NXPE2: variants seen among roughly 807,000 people sequenced by gnomAD.
The protein encoded by NXPE2 is neurexophilin and PC-esterase domain family member 2.
In NXPE2, 34 loss-of-function variants were observed where a neutral mutation model predicts 34.4. The ratio of observed to expected loss-of-function variants is 0.99; its 90% CI spans 0.75 to 1.31. NXPE2 has a LOEUF of 1.31. Among genes scored for constraint, NXPE2 ranks in the 40% most tolerant of loss-of-function variants. The pLI, the probability that NXPE2 is intolerant of heterozygous loss-of-function variation, is 0.00. For missense variants in NXPE2, 649 were observed against 672.5 expected (o/e 0.97, Z 0.39); for synonymous variants, 235 against 231.3 (o/e 1.02, Z -0.15).
chr11:114,493,695 T>G, the NXPE2 span, among the ~76,000 whole-genome samples: 50 of 152,270 alleles, frequency 3.3e-4, 1 homozygote, highest in South Asian at 0.01. Context: ...TAGTTATTAT[T>G]TTTTATTTGT....
At chr11:114,577,315 C>T in the NXPE2 span, among the ~76,000 whole-genome samples, 1 of 151,556 alleles carries the variant, frequency 6.6e-6, no homozygotes, top group Non-Finnish European at 1.5e-5. Context: ...AACCAAGCAT[C>T]GTATGTTCTC....
downstream of NXPE2, among the ~76,000 whole-genome samples, chr11:114,709,343 CA>C (rs919544962): frequency 6.6e-6 from 1 of 151,636 alleles, no homozygotes; most frequent in Non-Finnish European, 1.5e-5. Flanking sequence ...GAGTAAAAAA[CA>C]AAAAAAATCA....
chr11:114,541,668 G>C, the NXPE2 span, among the ~76,000 whole-genome samples: 1 of 152,046 alleles, frequency 6.6e-6, no homozygotes, highest in Non-Finnish European at 1.5e-5. Context: ...AATTTGAAGT[G>C]GGGGGGATGG....
At chr11:114,773,560 C>T in the NXPE2 span, among the ~76,000 whole-genome samples, 1 of 152,146 alleles carries the variant, frequency 6.6e-6, no homozygotes, top group Admixed American at 6.5e-5. Flanking sequence ...CTTTGTTCCT[C>T]TTCATGTCAT....
the NXPE2 span, among the ~76,000 whole-genome samples, chr11:114,581,298 G>A: frequency 6.6e-6 from 1 of 152,176 alleles, no homozygotes; most frequent in Non-Finnish European, 1.5e-5. Context: ...CAAAGATCAA[G>A]AGGGAGGGGT....
chr11:114,613,583 C>A, the NXPE2 span, among the ~76,000 whole-genome samples: 2 of 151,826 alleles, frequency 1.3e-5, no homozygotes, highest in Non-Finnish European at 2.9e-5. Flanking sequence ...ACCACTGTTA[C>A]CTGGTGGATA....
At chr11:114,500,196 C>T in the NXPE2 span, among the ~76,000 whole-genome samples, 2 of 151,954 alleles carry the variant, frequency 1.3e-5, no homozygotes, top group Non-Finnish European at 2.9e-5. Context: ...AAACTGTTTT[C>T]TAGTCTTTGT....
chr11:114,487,837 C>T, the NXPE2 span, among the ~76,000 whole-genome samples: 7 of 152,068 alleles, frequency 4.6e-5, no homozygotes, highest in Non-Finnish European at 1.0e-4. Flanking sequence ...GCCATCCTTG[C>T]GTCCCTGGGA....
chr11:114,622,989 G>A, the NXPE2 span, among the ~76,000 whole-genome samples: 69 of 150,612 alleles, frequency 4.6e-4, no homozygotes, highest in African/African-American at 1.2e-3. Flanking sequence ...AGGAAACCAC[G>A]GTTACCTGGT....
At chr11:114,583,816 T>C in the NXPE2 span, 1 of 426,948 alleles carries the variant, frequency 2.3e-6, no homozygotes, top group Non-Finnish European at 4.6e-6. Flanking sequence ...AGGCCTTCTA[T>C]ATTACAGGCT....
chr11:114,736,422 T>C, the NXPE2 span, among the ~76,000 whole-genome samples: 2 of 152,228 alleles, frequency 1.3e-5, no homozygotes, highest in African/African-American at 4.8e-5. Context: ...AGAAAAAGAA[T>C]TGAGCGATAT....
the NXPE2 span, chr11:114,530,461 T>G: frequency 1.2e-6 from 2 of 1,614,208 alleles, no homozygotes; most frequent in Non-Finnish European, 1.7e-6. Flanking sequence ...CTGGGGTGGA[T>G]GAGCAGCAGA....
the NXPE2 span, among the ~76,000 whole-genome samples, chr11:114,748,312 G>A: frequency 6.6e-6 from 1 of 152,068 alleles, no homozygotes. Context: ...TACTAATAAG[G>A]ACTTTCTCCT....
chr11:114,746,633 T>C, the NXPE2 span, among the ~76,000 whole-genome samples: 5 of 152,130 alleles, frequency 3.3e-5, no homozygotes, highest in African/African-American at 4.8e-5. Context: ...GGGCGGATCA[T>C]GAGGTCAGGA....
At chr11:114,475,292 A>AGAG in the NXPE2 span, among the ~76,000 whole-genome samples, 1 of 123,364 alleles carries the variant, frequency 8.1e-6, no homozygotes, top group Non-Finnish European at 1.6e-5. Context: ...CGCCCAGGCT[A>AGAG]GAGTGCAGTA....
chr11:114,613,309 C>T, the NXPE2 span, among the ~76,000 whole-genome samples: 1 of 151,800 alleles, frequency 6.6e-6, no homozygotes, highest in Admixed American at 6.6e-5. Flanking sequence ...AGTACTGCCT[C>T]ATGGGTAACC....
At chr11:114,629,167 T>C in the NXPE2 span, among the ~76,000 whole-genome samples, 3 of 152,052 alleles carry the variant, frequency 2.0e-5, no homozygotes, top group African/African-American at 4.8e-5. Flanking sequence ...CCCTAACTCA[T>C]TTTATGAGGC....
chr11:114,523,198 C>T, the NXPE2 span: 1 of 757,386 alleles, frequency 1.3e-6, no homozygotes, highest in South Asian at 1.8e-5. Context: ...CCTGTAATGC[C>T]TATTTCCTTT....
chr11:114,793,794 GA>G, the NXPE2 span, among the ~76,000 whole-genome samples: 5 of 152,184 alleles, frequency 3.3e-5, no homozygotes, highest in African/African-American at 1.2e-4. Flanking sequence ...CACTGAAAGA[GA>G]AGGATGTTAT....
Sources: gnomAD v4.1 joint callset for allele counts (sites outside exome capture counted in the v4.1 genomes callset) on GRCh38, gnomAD v4.1.1 for gene constraint, MANE v1.5 for transcripts, NCBI Gene and HGNC (gene_info 2026-07-23, HGNC 2026-07-21) for gene names.